Variants in DNAH8 observed in about 807,000 individuals in gnomAD.
The protein encoded by DNAH8 is axonemal beta dynein heavy chain 8.
Under a neutral mutation model 562.1 loss-of-function variants are expected in DNAH8, and 382 were observed. That is an observed-to-expected ratio of 0.68 (90% CI 0.63 to 0.74). DNAH8 has a LOEUF of 0.74. DNAH8 is among the 30% of genes least tolerant of loss of function. The pLI, the probability that DNAH8 is intolerant of heterozygous loss-of-function variation, is 0.00. For synonymous variants in DNAH8, 1,881 were observed against 1,919.4 expected (o/e 0.98, Z 0.52); for missense variants, 5,203 against 5,620.4 (o/e 0.93, Z 2.37).
intron 57 of DNAH8, among the ~76,000 whole-genome samples, chr6:38,888,741 A>G (rs979490204): frequency 2.0e-5 from 3 of 152,254 alleles, no homozygotes; most frequent in Non-Finnish European, 4.4e-5. Context: ...AAAATCAAGC[A>G]TTAGTGAGAA....
At chr6:38,925,934 C>A in intron 73 of DNAH8, 121 bp from the exon 74 acceptor site, 2 of 929,398 alleles carry the variant, frequency 2.2e-6, no homozygotes, top group Non-Finnish European at 3.0e-6. Flanking sequence ...GTACAAGTTG[C>A]ATAGTCTCAA....
At chr6:38,932,557 A>G (rs953144615) in intron 76 of DNAH8, among the ~76,000 whole-genome samples, 23 of 152,230 alleles carry the variant, frequency 1.5e-4, no homozygotes, top group African/African-American at 5.1e-4. Flanking sequence ...TGAAGCTCAG[A>G]AAACATTGTT....
chr6:38,944,845 T>G (rs564333850), intron 79 of DNAH8, among the ~76,000 whole-genome samples: 43 of 152,260 alleles, frequency 2.8e-4, no homozygotes, highest in Non-Finnish European at 5.6e-4. Context: ...ATATTACTCA[T>G]CCACTAAAAA....
rs767272246 is a variant in DNAH8 at position 38,791,610 on chromosome 6, C to A, written c.2837C>A (p.Thr946Asn). Residue 946 changes from threonine to asparagine, a missense_variant, in exon 21 of 93, where the codon ACT (threonine) becomes AAT (asparagine). Transcript: ENST00000327475. ...IDTVLKEIAK[T>N]VLISLPESGA... ...ACAGTTCTGAAGGAGATAGCCAAAACTGTGTTGATTTCTCTGCCTGAAAGT... is the reference window on the plus strand; with the variant it reads ...ACAGTTCTGAAGGAGATAGCCAAAAATGTGTTGATTTCTCTGCCTGAAAGT... 31 of 1,613,678 alleles carry A rather than the reference C, an allele frequency of 1.9e-5. No individual in the cohort carries two copies. In the Middle Eastern group the frequency reaches 6.6e-4, roughly 34 times the overall value.
rs1562521493 is a variant in DNAH8, at chr6:38,715,956, A to AT, written c.-35+542dup. Among the ~76,000 whole-genome samples, 9 of 27,018 alleles carry AT rather than the reference A, an allele frequency of 3.3e-4. 1 individual carries two copies. Among genetic ancestry groups the AT allele is most frequent in the Non-Finnish European group, 4.3e-4 (7 of 16,102 alleles). The allele number at this position is 27,018 out of a possible 152,430, so 17.7% of individuals were successfully genotyped here. A position where few individuals can be genotyped will look rare whatever the true frequency, so the allele number is the denominator to read the frequency against. ...TATATATATATATATATATATATAT[A>AT]TATATTTTTTTTTTTTTTTTGAGAC... On this transcript the variant is annotated intron_variant, in intron 1 of 92. Transcript: ENST00000327475.
chr6:38,806,827 G>T (rs1231977876), intron 23 of DNAH8, among the ~76,000 whole-genome samples: 1 of 152,060 alleles, frequency 6.6e-6, no homozygotes, highest in Non-Finnish European at 1.5e-5. Context: ...TGTCACATCT[G>T]TGCTTTAGCT....
chr6:38,764,736 A>G (rs758872332), intron 11 of DNAH8: 1 of 152,254 alleles, frequency 6.6e-6, no homozygotes, highest in Non-Finnish European at 1.5e-5. Context: ...TTTAAAAACT[A>G]AAACTGATAA....
At chr6:38,988,559 C>A (rs1764566715) in intron 87 of DNAH8, among the ~76,000 whole-genome samples, 1 of 152,176 alleles carries the variant, frequency 6.6e-6, no homozygotes, top group Admixed American at 6.5e-5. Context: ...TAACTTTCAA[C>A]TACTCTCCAT....
At chr6:38,953,744 T>C (rs1304573081) in intron 82 of DNAH8, among the ~76,000 whole-genome samples, 1 of 152,168 alleles carries the variant, frequency 6.6e-6, no homozygotes, top group Non-Finnish European at 1.5e-5. Flanking sequence ...AACATGTTAA[T>C]GTAGTCTCAG....
Position 38,918,028 on chromosome 6 carries a change from A to T in DNAH8, c.10412A>T (p.Asp3471Val), listed in dbSNP as rs550049898. The stretch of plus-strand genomic sequence containing the variant: ...CTACAGCCATATTTTAATATGGATG[A>T]TTATACTTTTGAAAGTGCCAAAAAA... ...ELLQPYFNMD[D>V]YTFESAKKVC... Residue 3471 changes from aspartate (D) to valine (V), a missense_variant, in exon 70 of 93, where the codon GAT becomes GTT. Transcript: ENST00000327475. The T allele has an allele frequency of 3.7e-6, 6 of 1,613,808 alleles. No individual in the cohort carries two copies. The East Asian group carries it at 1.1e-4, about 30-fold the overall frequency.
intron 88 of DNAH8, among the ~76,000 whole-genome samples, chr6:39,004,843 T>A (rs1290909314): frequency 1.3e-5 from 2 of 152,250 alleles, no homozygotes; most frequent in Non-Finnish European, 2.9e-5. Context: ...AGTTCATCCA[T>A]GTTGTAGCGT....
At chr6:38,738,062 G>A (rs953649525) in intron 7 of DNAH8, 90 bp downstream of exon 7, 1 of 1,353,716 alleles carries the variant, frequency 7.4e-7, no homozygotes, top group Non-Finnish European at 1.0e-6. Context: ...AAGGGAAGAG[G>A]TGTCTCCTTT....
chr6:38,742,993 A>ATGTTGT (rs144662466), intron 8 of DNAH8, among the ~76,000 whole-genome samples: 6,165 of 133,516 alleles, frequency 0.046, 255 homozygotes, highest in South Asian at 0.084. Flanking sequence ...TTCCAAAAAA[A>ATGTTGT]TGTTGTTGTT....
chr6:38,756,148 C>T, intron 10 of DNAH8, 69 bp downstream of exon 10: 1 of 979,342 alleles, frequency 1.0e-6, no homozygotes, highest in South Asian at 1.3e-5. Flanking sequence ...CTTCTGAGCC[C>T]TAGGAAGGGA....
chr6:38,827,632 T>C (rs1773457194), intron 29 of DNAH8, among the ~76,000 whole-genome samples: 1 of 150,896 alleles, frequency 6.6e-6, no homozygotes, highest in Admixed American at 6.7e-5. Context: ...AAAAAAATCG[T>C]GGTATTTGGG....
chr6:38,917,305 A>C lies in DNAH8; in HGVS notation c.10207A>C (p.Ile3403Leu). Residue 3403 changes from isoleucine to leucine, a missense_variant, in exon 69 of 93, where the codon ATC becomes CTC. Physicochemically the swap from Ile to Leu is conservative, Grantham distance 5. Transcript: ENST00000327475. The part of the protein sequence containing the change: ...LAKPPHLIMR[I>L]MDCVLLLFQK... ...AAAACCACCACATCTTATTATGAGAATCATGGACTGTGTTCTGTTACTATT... is the reference window on the plus strand; with the variant it reads ...AAAACCACCACATCTTATTATGAGACTCATGGACTGTGTTCTGTTACTATT... 6.2e-7 allele frequency: 1 copy of C among 1,613,684 alleles called. No individual in the cohort carries two copies. Among genetic ancestry groups the C allele is most frequent in the Non-Finnish European group, 8.5e-7 (1 of 1,179,688 alleles).
At chr6:38,784,198 C>G (rs142887947) in intron 17 of DNAH8, among the ~76,000 whole-genome samples, 96 of 152,214 alleles carry the variant, frequency 6.3e-4, no homozygotes, top group African/African-American at 2.1e-3. Context: ...ATGGTAGGAC[C>G]CTGTGGACTC....
intron 56 of DNAH8, among the ~76,000 whole-genome samples, chr6:38,884,629 C>G (rs922841667): frequency 6.6e-6 from 1 of 152,154 alleles, no homozygotes; most frequent in African/African-American, 2.4e-5. Flanking sequence ...CCTCCTCTCT[C>G]TTTGGCTACT....
chr6:38,822,155 T>C (rs1309482860), intron 26 of DNAH8, among the ~76,000 whole-genome samples: 1 of 152,170 alleles, frequency 6.6e-6, no homozygotes, highest in Non-Finnish European at 1.5e-5. Flanking sequence ...CCAAGAATCT[T>C]TGGGATCTAA....
Sources: gnomAD v4.1 joint callset for allele counts (sites outside exome capture counted in the v4.1 genomes callset) on GRCh38, gnomAD v4.1.1 for gene constraint, MANE v1.5 for transcripts, NCBI Gene and HGNC (gene_info 2026-07-23, HGNC 2026-07-21) for gene names.